Variants in GRID2 observed in about 807,000 individuals in gnomAD.
GRID2 encodes the protein glutamate ionotropic receptor delta type subunit 2.
A neutral mutation model predicts 114.8 loss-of-function variants in GRID2; 33 were observed. The observed-to-expected ratio is 0.29, with a 90% confidence interval of 0.22 to 0.38. The LOEUF is 0.38. Among genes scored for constraint, GRID2 ranks in the 10% least tolerant of loss-of-function variants. The pLI is 1.00. For synonymous variants in GRID2, 505 were observed against 449.9 expected (o/e 1.12, Z -1.55); for missense variants, 1,184 against 1,257.7 (o/e 0.94, Z 0.89).
intron 2 of GRID2, among the ~76,000 whole-genome samples, chr4:92,673,628 C>A (rs1044763325): frequency 2.0e-5 from 3 of 152,138 alleles, no homozygotes; most frequent in Admixed American, 2.0e-4. Flanking sequence ...ATTTTCCCTG[C>A]ATATGAAATT....
At chr4:93,324,244 G>A (rs1490734916) in intron 8 of GRID2, among the ~76,000 whole-genome samples, 2 of 152,134 alleles carry the variant, frequency 1.3e-5, no homozygotes, top group African/African-American at 2.4e-5. Context: ...TTTATTGAGA[G>A]TTTTTAGCAT....
intron 1 of GRID2, among the ~76,000 whole-genome samples, chr4:92,379,514 T>G: frequency 6.6e-6 from 1 of 152,076 alleles, no homozygotes; most frequent in East Asian, 1.9e-4. Context: ...AAATATCTTC[T>G]GTATACAAAT....
chr4:93,172,321 G>C (rs919390547), intron 4 of GRID2, among the ~76,000 whole-genome samples: 1 of 152,022 alleles, frequency 6.6e-6, no homozygotes, highest in African/African-American at 2.4e-5. Flanking sequence ...GGCCAGGCGC[G>C]GTGGCTCACA....
At position 93,587,880 on chromosome 4, in the gene GRID2, T is replaced by A. The variant is rs191911116; in HGVS notation, c.2194-38389T>A. Among the ~76,000 whole-genome samples, 12 of 152,210 alleles carry A rather than the reference T, an allele frequency of 7.9e-5. No homozygotes were observed. The East Asian group carries it at 2.3e-3, about 29-fold the overall frequency. On this transcript the variant is annotated intron_variant, in intron 13 of 15. Coordinates refer to ENST00000282020, the MANE Select transcript of GRID2 (RefSeq NM_001510.4). Reference sequence around the variant, plus strand: ...GTTGATGTGGATTTCTTGAAAGGAATAATTAAGAAACATTTTGCATATTAT... The same window carrying A: ...GTTGATGTGGATTTCTTGAAAGGAAAAATTAAGAAACATTTTGCATATTAT...
At chr4:92,945,606 T>C (rs568258136) in intron 2 of GRID2, among the ~76,000 whole-genome samples, 2 of 152,302 alleles carry the variant, frequency 1.3e-5, no homozygotes, top group South Asian at 4.1e-4. Flanking sequence ...GTACCAGTGA[T>C]GGTCACTGGG....
At chr4:93,583,338 C>G (rs1737177424) in intron 13 of GRID2, among the ~76,000 whole-genome samples, 1 of 152,074 alleles carries the variant, frequency 6.6e-6, no homozygotes, top group South Asian at 2.1e-4. Flanking sequence ...TTGTGTTACA[C>G]TTCTCTTTGC....
At chr4:92,841,735 T>C (rs190744396) in intron 2 of GRID2, among the ~76,000 whole-genome samples, 165 of 152,246 alleles carry the variant, frequency 1.1e-3, no homozygotes, top group Admixed American at 3.1e-3. Flanking sequence ...TTCATTTTGC[T>C]ACCTTATCAC....
intron 1 of GRID2, among the ~76,000 whole-genome samples, chr4:92,488,105 T>TG (rs1722980164): frequency 6.6e-6 from 1 of 152,168 alleles, no homozygotes; most frequent in Admixed American, 6.5e-5. Flanking sequence ...TCATGATTCT[T>TG]ATATGTAGCT....
chr4:93,320,179 A>G (rs987149420), intron 8 of GRID2, among the ~76,000 whole-genome samples: 11 of 152,156 alleles, frequency 7.2e-5, no homozygotes, highest in African/African-American at 1.9e-4. Flanking sequence ...GAAGAAGACA[A>G]TTGGAGTAAG....
chr4:92,739,379 A>G (rs1271915632), intron 2 of GRID2, among the ~76,000 whole-genome samples: 2 of 152,162 alleles, frequency 1.3e-5, no homozygotes, highest in Admixed American at 6.6e-5. Context: ...TGAGTTTTAT[A>G]TCAGCGGCAG....
chr4:93,027,627 G>A (rs1724004075), intron 2 of GRID2, among the ~76,000 whole-genome samples: 1 of 152,090 alleles, frequency 6.6e-6, no homozygotes, highest in South Asian at 2.1e-4. Flanking sequence ...GATTGAATAA[G>A]TGTTAAAATG....
chr4:92,786,645 G>C lies in GRID2; in HGVS notation c.244+196359G>C, dbSNP rs556742894. On this transcript the variant is annotated intron_variant, in intron 2 of 15. Coordinates refer to ENST00000282020, the MANE Select transcript of GRID2 (RefSeq NM_001510.4). Reference sequence around the variant, plus strand: ...ATGTGAATATAAAGGTAGATTTTAGGGTGCTGGCAATGTTAAAATACATTA... The same window carrying C: ...ATGTGAATATAAAGGTAGATTTTAGCGTGCTGGCAATGTTAAAATACATTA... 5.1e-4 allele frequency among the ~76,000 whole-genome samples: 77 copies of C among 151,948 alleles called. 2 individuals are homozygous for C. The South Asian group carries it at 0.015, about 30-fold the overall frequency.
intron 1 of GRID2, among the ~76,000 whole-genome samples, chr4:92,317,204 G>A (rs913716432): frequency 2.0e-5 from 3 of 152,084 alleles, no homozygotes; most frequent in Non-Finnish European, 4.4e-5. Context: ...CCTCACTGCT[G>A]TATGTATAAA....
chr4:93,203,212 G>A (rs1240923329), intron 4 of GRID2, among the ~76,000 whole-genome samples: 1 of 152,120 alleles, frequency 6.6e-6, no homozygotes, highest in Non-Finnish European at 1.5e-5. Flanking sequence ...CACTGGTTAT[G>A]CATGAAGATG....
intron 1 of GRID2, among the ~76,000 whole-genome samples, chr4:92,330,708 A>C (rs1726838544): frequency 6.6e-6 from 1 of 152,082 alleles, no homozygotes; most frequent in African/African-American, 2.4e-5. Flanking sequence ...TTTGTGAAAA[A>C]CCATTTTATA....
At chr4:92,624,616 C>A (rs1730432555) in intron 2 of GRID2, among the ~76,000 whole-genome samples, 1 of 151,798 alleles carries the variant, frequency 6.6e-6, no homozygotes. Context: ...TACATTTAAA[C>A]TTTTCCTTTC....
intron 2 of GRID2, among the ~76,000 whole-genome samples, chr4:92,629,500 G>T (rs922099987): frequency 1.1e-4 from 16 of 152,070 alleles, no homozygotes; most frequent in African/African-American, 3.6e-4. Flanking sequence ...TTTGCAGAAA[G>T]GTGTCAAAAG....
At chr4:93,043,819 T>C (rs1338846389) in intron 2 of GRID2, among the ~76,000 whole-genome samples, 1 of 151,984 alleles carries the variant, frequency 6.6e-6, no homozygotes, top group East Asian at 1.9e-4. Context: ...ATGTAAATGA[T>C]GAGTTAATGG....
chr4:92,776,295 C>A (rs907205578), intron 2 of GRID2, among the ~76,000 whole-genome samples: 9 of 152,080 alleles, frequency 5.9e-5, no homozygotes, highest in African/African-American at 1.9e-4. Flanking sequence ...CACTCCAGGG[C>A]AAATCTTGGG....
Sources: gnomAD v4.1 joint callset for allele counts (sites outside exome capture counted in the v4.1 genomes callset) on GRCh38, gnomAD v4.1.1 for gene constraint, MANE v1.5 for transcripts, NCBI Gene and HGNC (gene_info 2026-07-23, HGNC 2026-07-21) for gene names.